Variants in MAN1C1 observed in about 807,000 individuals in gnomAD.
The protein encoded by MAN1C1 is mannosidase alpha class 1C member 1, also known as mannosyl-oligosaccharide 1,2-alpha-mannosidase IC.
In MAN1C1, 49 loss-of-function variants were observed where a neutral mutation model predicts 71.5. The ratio of observed to expected loss-of-function variants is 0.69; its 90% CI spans 0.54 to 0.87. The LOEUF (loss-of-function observed/expected upper bound fraction) is 0.87. Ranked by LOEUF, MAN1C1 falls within the 40% of genes least tolerant of loss-of-function variation. MAN1C1 has a pLI of 0.00. For synonymous variants in MAN1C1, 352 were observed against 343.7 expected (o/e 1.02, Z -0.27); for missense variants, 743 against 835.0 (o/e 0.89, Z 1.36).
chr1:25,620,525 G>T (rs2045191612), intron 1 of MAN1C1, among the ~76,000 whole-genome samples: 1 of 152,148 alleles, frequency 6.6e-6, no homozygotes, highest in South Asian at 2.1e-4. Flanking sequence ...GATGGTTGCT[G>T]GAGAATGTCT....
At chr1:25,624,983 T>C (rs114080675) in intron 1 of MAN1C1, among the ~76,000 whole-genome samples, 2,840 of 151,130 alleles carry the variant, frequency 0.019, 97 homozygotes, top group African/African-American at 0.065. Flanking sequence ...TTAATACATA[T>C]AGCGAAATGC....
Position 25,782,576 on chromosome 1 carries a change from C to T in MAN1C1, c.1651-9C>T, listed in dbSNP as rs759562019. 7.5e-6 allele frequency: 12 copies of T among 1,605,012 alleles called. No homozygotes were observed. Among genetic ancestry groups the T allele is most frequent in the Non-Finnish European group, 1.0e-5 (12 of 1,171,844 alleles). On this transcript the variant is annotated splice_polypyrimidine_tract_variant and intron_variant, in intron 10 of 11. Transcript: ENST00000374332. This position sits in a 1 kb window ranked among gnomAD's most constrained non-coding sequence, Gnocchi z 4.4. ...AGGCTGTTTTCCTCCTCCTCTTCCCCTTCCTCAGGCCTTGGAGAAATACTG... is the reference window on the plus strand; with the variant it reads ...AGGCTGTTTTCCTCCTCCTCTTCCCTTTCCTCAGGCCTTGGAGAAATACTG...
chr1:25,688,252 A>G (rs888520980), intron 2 of MAN1C1, among the ~76,000 whole-genome samples: 4 of 152,232 alleles, frequency 2.6e-5, no homozygotes, highest in African/African-American at 9.6e-5. Context: ...GATTCCCATT[A>G]GGAACCTGGC....
chr1:25,628,010 G>GTACT (rs1162060046), intron 1 of MAN1C1, among the ~76,000 whole-genome samples: 1 of 152,154 alleles, frequency 6.6e-6, no homozygotes, highest in Non-Finnish European at 1.5e-5. Flanking sequence ...TTGCAACACT[G>GTACT]TACTCCAGCC....
At chr1:25,758,825 A>C in intron 6 of MAN1C1, 116 bp downstream of exon 6, 1 of 886,046 alleles carries the variant, frequency 1.1e-6, no homozygotes, top group Non-Finnish European at 1.9e-6. Context: ...GGCAGTGGGG[A>C]GCCCGGGAGC....
chr1:25,763,417 AG>A (rs2047385964), intron 6 of MAN1C1, among the ~76,000 whole-genome samples: 1 of 134,602 alleles, frequency 7.4e-6, no homozygotes, highest in South Asian at 2.6e-4. Flanking sequence ...TGAACCTGGG[AG>A]GCAGAGGTTG....
Position 25,701,029 on chromosome 1 carries a change from G to A in MAN1C1, c.637+14493G>A, listed in dbSNP as rs1014337082. Among the ~76,000 whole-genome samples the A allele has an allele frequency of 3.9e-5, 6 of 152,266 alleles. No individual in the cohort carries two copies. The East Asian group carries it at 7.7e-4, about 20-fold the overall frequency. ...TTCATTTTAATTTCTTTTAAAATCC[G>A]AGGAGAAAAAGCGAACATGATAATG... On this transcript the variant is annotated intron_variant, in intron 2 of 11. Transcript: ENST00000374332.
chr1:25,652,806 T>C (rs1330280228), intron 1 of MAN1C1, among the ~76,000 whole-genome samples: 2 of 152,212 alleles, frequency 1.3e-5, no homozygotes, highest in Non-Finnish European at 2.9e-5. Context: ...TTAATCAATG[T>C]CGGCTTTATT....
intron 2 of MAN1C1, among the ~76,000 whole-genome samples, chr1:25,720,363 G>A (rs1025171785): frequency 1.3e-5 from 2 of 151,630 alleles, no homozygotes; most frequent in Non-Finnish European, 2.9e-5. Flanking sequence ...GGCACGCACC[G>A]CCATGCCCGG....
intron 2 of MAN1C1, among the ~76,000 whole-genome samples, chr1:25,733,988 A>C (rs2046945956): frequency 6.6e-6 from 1 of 151,688 alleles, no homozygotes; most frequent in Non-Finnish European, 1.5e-5. Context: ...TTTAGTAGAG[A>C]TGGGGTTTCA....
intron 10 of MAN1C1, among the ~76,000 whole-genome samples, chr1:25,781,846 T>C (rs2047700042): frequency 6.6e-6 from 1 of 152,096 alleles, no homozygotes; most frequent in African/African-American, 2.4e-5. Context: ...CTATGCCCAG[T>C]CCATAGACCC....
chr1:25,687,762 A>G (rs1043570018), intron 2 of MAN1C1, among the ~76,000 whole-genome samples: 1 of 151,920 alleles, frequency 6.6e-6, no homozygotes, highest in African/African-American at 2.4e-5. Flanking sequence ...GGGCAGCTTT[A>G]TGTATTTATT....
rs1490204760 is a variant in MAN1C1 at position 25,771,518 on chromosome 1, T to C, written c.1142-139T>C. On this transcript the variant is annotated intron_variant, in intron 7 of 11. Transcript: ENST00000374332. The stretch of plus-strand genomic sequence containing the variant: ...TCTGCCTCGCAGTACCCATTCCAGG[T>C]TCGGTGGCTGCTGGCGAGATGCCCG... The C allele has an allele frequency of 6.2e-6, 4 of 644,828 alleles. No homozygotes were observed. In the African/African-American group the frequency reaches 7.3e-5, roughly 12 times the overall value. 39.9% of individuals were successfully genotyped at this position (644,828 alleles called of 1,614,324 possible).
Position 25,642,423 on chromosome 1 carries a change from A to G in MAN1C1, c.540+24086A>G, listed in dbSNP as rs368877919. 9.1e-4 allele frequency among the ~76,000 whole-genome samples: 139 copies of G among 152,352 alleles called. 4 individuals are homozygous for G. In the South Asian group the frequency reaches 0.026, roughly 29 times the overall value. The stretch of plus-strand genomic sequence containing the variant: ...TCAGCCATGCCAGGTGCTAGACGTG[A>G]CTTCACCTGAGAATTGCTGACCTGG... On this transcript the variant is annotated intron_variant, in intron 1 of 11. Coordinates refer to ENST00000374332, the MANE Select transcript of MAN1C1 (RefSeq NM_020379.4).
chr1:25,784,038 A>G lies in MAN1C1; in HGVS notation c.*249A>G. On this transcript the variant is annotated 3_prime_UTR_variant, in exon 12 of 12. Coordinates refer to ENST00000374332, the MANE Select transcript of MAN1C1 (RefSeq NM_020379.4). ...CAGAGAATTTCTATGAAGCCCACTC[A>G]CTTGCCATTCCAGGGCCAAAGGACC... 2.4e-6 allele frequency: 1 copy of G among 425,248 alleles called. No individual in the cohort carries two copies. The highest frequency in any genetic ancestry group is 4.2e-6 in the Non-Finnish European group (1 of 240,076). The allele number at this position is 425,248 out of a possible 1,614,324, so 26.3% of individuals were successfully genotyped here. A position where few individuals can be genotyped will look rare whatever the true frequency, so the allele number is the denominator to read the frequency against.
At chr1:25,699,698 C>G (rs1368574506) in intron 2 of MAN1C1, among the ~76,000 whole-genome samples, 1 of 152,198 alleles carries the variant, frequency 6.6e-6, no homozygotes, top group Non-Finnish European at 1.5e-5. Context: ...TGGGCCACTA[C>G]TGGGTGTGTT....
rs932125450 is a variant in MAN1C1, at chr1:25,617,809, G to T, written c.12G>T (p.Arg4Ser). 1 of 1,600,258 alleles carries T rather than the reference G, an allele frequency of 6.2e-7. No homozygotes were observed. The highest frequency in any genetic ancestry group is 1.7e-5 in the Admixed American group (1 of 58,934). MLMRKVPGFVPASP... is the reference protein window; with the variant it reads MLMSKVPGFVPASP... Reference sequence around the variant, plus strand: ...CCGGCCGGGCCACGATGCTCATGAGGAAAGTGCCCGGCTTCGTCCCGGCCT... The same window carrying T: ...CCGGCCGGGCCACGATGCTCATGAGTAAAGTGCCCGGCTTCGTCCCGGCCT... The change falls in exon 1 of 12, where the codon AGG becomes AGT. Residue 4 changes from arginine to serine, a missense_variant. Coordinates refer to ENST00000374332, the MANE Select transcript of MAN1C1 (RefSeq NM_020379.4). This position sits in a 1 kb window ranked among gnomAD's most constrained non-coding sequence, Gnocchi z 5.1.
intron 7 of MAN1C1, among the ~76,000 whole-genome samples, chr1:25,765,581 A>G (rs998154851): frequency 6.6e-6 from 1 of 152,370 alleles, no homozygotes; most frequent in South Asian, 2.1e-4. Context: ...CCTGTCCTGC[A>G]AAATGAAAGA....
At chr1:25,644,024 G>C (rs544711165) in intron 1 of MAN1C1, among the ~76,000 whole-genome samples, 2 of 152,212 alleles carry the variant, frequency 1.3e-5, no homozygotes, top group Middle Eastern at 3.4e-3. Flanking sequence ...GCTTTTTCAG[G>C]GCCTTACTTT....
Sources: gnomAD v4.1 joint callset for allele counts (sites outside exome capture counted in the v4.1 genomes callset) on GRCh38, gnomAD v4.1.1 for gene constraint, Gnocchi (gnomAD v3.1) non-coding constraint, MANE v1.5 for transcripts, NCBI Gene and HGNC (gene_info 2026-07-23, HGNC 2026-07-21) for gene names.